Variants in ZNF827 observed in about 807,000 individuals in gnomAD.
The protein encoded by ZNF827 is zinc finger protein 827.
Under a neutral mutation model 102.4 loss-of-function variants are expected in ZNF827, and 13 were observed. That is an observed-to-expected ratio of 0.13 (90% confidence interval 0.08 to 0.20). The LOEUF is 0.20. Ranked by LOEUF, ZNF827 falls within the 10% of genes least tolerant of loss-of-function variation. ZNF827 has a pLI of 1.00. For synonymous variants in ZNF827, 523 were observed against 536.2 expected (o/e 0.98, Z 0.34); for missense variants, 1,103 against 1,344.4 (o/e 0.82, Z 2.81).
chr4:145,891,012 A>G (rs1750550964), intron 3 of ZNF827, among the ~76,000 whole-genome samples: 1 of 152,246 alleles, frequency 6.6e-6, no homozygotes, highest in South Asian at 2.1e-4. Context: ...GATCTATTTA[A>G]AAGGATTAGA....
In ZNF827 at chr4:145,763,149, A is replaced by C; in HGVS notation, c.3231-27T>G. 1 of 1,535,772 alleles carries C rather than the reference A, an allele frequency of 6.5e-7. No homozygotes were observed. Among genetic ancestry groups the C allele is most frequent in the Non-Finnish European group, 8.7e-7 (1 of 1,146,650 alleles). On this transcript the variant is annotated intron_variant, in intron 13 of 14. Transcript: ENST00000508784. The surrounding 1 kb of genome is among the most constrained non-coding windows in gnomAD (Gnocchi z 4.6). ...TACGGCAAAAGAAAAATAATAGTAT[A>C]ATCTTATTTGATCTGCATTATGAAC... is the stretch of plus-strand genomic sequence containing the variant.
At chr4:145,835,396 G>A (rs1018299416) in intron 7 of ZNF827, 12 of 151,740 alleles carry the variant, frequency 7.9e-5, no homozygotes, top group African/African-American at 1.7e-4. Context: ...TGTGGGTATT[G>A]ACAGCCAGGC....
At chr4:145,845,715 CAT>C (rs916739520) in intron 7 of ZNF827, among the ~76,000 whole-genome samples, 4 of 152,172 alleles carry the variant, frequency 2.6e-5, no homozygotes, top group African/African-American at 7.2e-5. Flanking sequence ...AAAACAATAA[CAT>C]ATGGAAAATT....
chr4:145,815,503 T>C (rs1742514307), intron 8 of ZNF827, among the ~76,000 whole-genome samples: 1 of 152,156 alleles, frequency 6.6e-6, no homozygotes, highest in African/African-American at 2.4e-5. Flanking sequence ...TCATTTGGCC[T>C]AGGTAAGAGA....
chr4:145,842,830 A>C (rs72954642), intron 7 of ZNF827, among the ~76,000 whole-genome samples: 2 of 152,222 alleles, frequency 1.3e-5, no homozygotes, highest in African/African-American at 4.8e-5. Flanking sequence ...CCAATCATGA[A>C]CCGTCCTTCT....
intron 5 of ZNF827, among the ~76,000 whole-genome samples, chr4:145,850,720 A>T (rs1746446433): frequency 6.6e-6 from 1 of 152,226 alleles, no homozygotes; most frequent in African/African-American, 2.4e-5. Flanking sequence ...AATAATAATT[A>T]GGAACTACTG....
chr4:145,879,446 G>A (rs1749486787), intron 4 of ZNF827, among the ~76,000 whole-genome samples: 1 of 152,154 alleles, frequency 6.6e-6, no homozygotes. Flanking sequence ...ACTTCCCTTT[G>A]TTTTTACAGA....
At chr4:145,877,158 C>T (rs1749216580) in intron 4 of ZNF827, among the ~76,000 whole-genome samples, 1 of 152,154 alleles carries the variant, frequency 6.6e-6, no homozygotes, top group Non-Finnish European at 1.5e-5. Flanking sequence ...AATAAGAACA[C>T]ATAGGCTCAG....
chr4:145,764,902 A>C, intron 13 of ZNF827, 86 bp downstream of exon 13: 1 of 1,596,382 alleles, frequency 6.3e-7, no homozygotes, highest in Admixed American at 1.7e-5. Flanking sequence ...TGACTCCCAA[A>C]ACCTTCACGG....
intron 8 of ZNF827, among the ~76,000 whole-genome samples, chr4:145,811,007 T>C (rs918376559): frequency 6.6e-6 from 1 of 152,080 alleles, no homozygotes; most frequent in African/African-American, 2.4e-5. Flanking sequence ...TTTTTTTTTT[T>C]TTGAGTCAGG....
intron 7 of ZNF827, chr4:145,830,605 ATTTAT>A (rs1744116995): frequency 6.6e-6 from 1 of 151,940 alleles, no homozygotes; most frequent in Admixed American, 6.6e-5. Context: ...CCTTTTATTA[ATTTAT>A]TTGCTAATAA....
At chr4:145,831,494 T>G (rs961818841) in intron 7 of ZNF827, 7 of 152,166 alleles carry the variant, frequency 4.6e-5, no homozygotes, top group Non-Finnish European at 8.8e-5. Context: ...GACTCAAGGG[T>G]TCTCAATCAC....
rs985172194 is a variant in ZNF827 at position 145,763,840 on chromosome 4, A to G, written c.3231-718T>C. ...TTGAATTATAATCACCCCCTCCCCA[A>G]TCCCTTCTGCCCTCCCCTCCCCCTC... On this transcript the variant is annotated intron_variant, in intron 13 of 14. Coordinates refer to ENST00000508784, the MANE Select transcript of ZNF827 (RefSeq NM_001306215.2). This position sits in a 1 kb window ranked among gnomAD's most constrained non-coding sequence, Gnocchi z 4.6. Among the ~76,000 whole-genome samples, 10 of 151,938 alleles carry G rather than the reference A, an allele frequency of 6.6e-5. No individual in the cohort carries two copies. Among genetic ancestry groups the G allele is most frequent in the Non-Finnish European group, 1.2e-4 (8 of 67,972 alleles).
At chr4:145,833,810 T>C (rs1744522840) in intron 7 of ZNF827, among the ~76,000 whole-genome samples, 1 of 151,568 alleles carries the variant, frequency 6.6e-6, no homozygotes, top group Non-Finnish European at 1.5e-5. Flanking sequence ...CTTATTTCCA[T>C]GCCCCGACCT....
At chr4:145,893,500 T>A (rs1431399497) in intron 2 of ZNF827, among the ~76,000 whole-genome samples, 1 of 152,242 alleles carries the variant, frequency 6.6e-6, no homozygotes, top group Non-Finnish European at 1.5e-5. Flanking sequence ...TCCAAGATAT[T>A]AGCATTGGTG....
intron 1 of ZNF827, among the ~76,000 whole-genome samples, chr4:145,937,088 C>G (rs1754238970): frequency 6.6e-6 from 1 of 152,124 alleles, no homozygotes; most frequent in Non-Finnish European, 1.5e-5. Context: ...CTTTCTCCTT[C>G]ACTTTTAGCT....
chr4:145,871,021 T>C (rs985763416), intron 4 of ZNF827, among the ~76,000 whole-genome samples: 22 of 152,202 alleles, frequency 1.4e-4, no homozygotes, highest in African/African-American at 4.6e-4. Flanking sequence ...CCATAAACAG[T>C]GGGGCATTTA....
chr4:145,937,146 G>C (rs1332488096), intron 1 of ZNF827, among the ~76,000 whole-genome samples: 1 of 152,118 alleles, frequency 6.6e-6, no homozygotes, highest in Non-Finnish European at 1.5e-5. Context: ...TGGGGGGTTG[G>C]GGGGAGCTGG....
At chr4:145,877,250 C>T (rs1749223486) in intron 4 of ZNF827, among the ~76,000 whole-genome samples, 1 of 152,130 alleles carries the variant, frequency 6.6e-6, no homozygotes, top group Non-Finnish European at 1.5e-5. Flanking sequence ...GATCACAAGC[C>T]GGTGCGGTTC....
Sources: allele counts gnomAD v4.1 joint callset (sites outside exome capture counted in the v4.1 genomes callset), GRCh38; gene constraint gnomAD v4.1.1; non-coding constraint Gnocchi (gnomAD v3.1); transcripts MANE v1.5; gene names NCBI Gene and HGNC (gene_info 2026-07-23, HGNC 2026-07-21).